NR6A1: variants seen among roughly 807,000 people sequenced by gnomAD.
NR6A1 encodes nuclear receptor subfamily 6 group A member 1, also known as retinoic acid receptor-related testis-associated receptor.
NR6A1 carries 7 observed loss-of-function variants against 59.1 expected under a neutral mutation model. That is an observed-to-expected ratio of 0.12 (90% CI 0.07 to 0.22). The LOEUF (loss-of-function observed/expected upper bound fraction) is 0.22, where lower values mean the gene tolerates loss of function less well. Among genes scored for constraint, NR6A1 ranks in the 10% least tolerant of loss-of-function variants. The probability of loss-of-function intolerance (pLI) is 1.00; values close to 1 mark genes in which losing one functional copy is unlikely to be tolerated. For synonymous variants in NR6A1, 243 were observed against 236.1 expected, an observed-to-expected ratio of 1.03 and a Z score of -0.27; for missense variants, 468 against 611.6, an observed-to-expected ratio of 0.77 and a Z score of 2.48.
chr9:124,716,149 G>A (rs913545916), intron 2 of NR6A1, among the ~76,000 whole-genome samples: 1 of 152,156 alleles, frequency 6.6e-6, no homozygotes, highest in Admixed American at 6.5e-5. Flanking sequence ...AGGCTGCAGT[G>A]GGCCATGGTC....
In NR6A1 at chr9:124,676,965, T is replaced by G. The variant is rs144355496; in HGVS notation, c.142+56343A>C. 4.6e-3 allele frequency among the ~76,000 whole-genome samples: 695 copies of G among 152,300 alleles called. 5 individuals are homozygous for G. The highest frequency in any genetic ancestry group is 0.016 in the African/African-American group (649 of 41,560). ...TTCAAGACTGAAAAGAATTTACACATAAGCTAGTTTCAAGATCAAAACTGC... is the reference window on the plus strand; with the variant it reads ...TTCAAGACTGAAAAGAATTTACACAGAAGCTAGTTTCAAGATCAAAACTGC... On this transcript the variant is annotated intron_variant, in intron 2 of 9. Transcript: ENST00000487099.
chr9:124,742,935 C>A (rs907200390), intron 1 of NR6A1, among the ~76,000 whole-genome samples: 2 of 152,192 alleles, frequency 1.3e-5, no homozygotes, highest in African/African-American at 4.8e-5. Flanking sequence ...AGCCAAAACA[C>A]ACATGGCTAG....
intron 2 of NR6A1, among the ~76,000 whole-genome samples, chr9:124,697,549 A>G (rs1356934617): frequency 1.3e-5 from 2 of 152,156 alleles, no homozygotes; most frequent in Admixed American, 6.5e-5. Context: ...CATTCCAAGC[A>G]TAGAGAATGG....
At chr9:124,655,152 G>C (rs549739497) in intron 2 of NR6A1, among the ~76,000 whole-genome samples, 2 of 152,264 alleles carry the variant, frequency 1.3e-5, no homozygotes, top group South Asian at 4.1e-4. Flanking sequence ...GAAGGGTATA[G>C]TTCCTAATGC....
chr9:124,585,936 T>G (rs1282568946), intron 2 of NR6A1, among the ~76,000 whole-genome samples: 1 of 152,176 alleles, frequency 6.6e-6, no homozygotes, highest in Non-Finnish European at 1.5e-5. Context: ...TTACTAAATA[T>G]TTTGAGCTCA....
At chr9:124,645,365 G>A (rs1836900789) in intron 2 of NR6A1, among the ~76,000 whole-genome samples, 1 of 152,150 alleles carries the variant, frequency 6.6e-6, no homozygotes, top group African/African-American at 2.4e-5. Context: ...AGTGAATCAG[G>A]AAACAAGACC....
chr9:124,708,022 G>A (rs1437797365), intron 2 of NR6A1, among the ~76,000 whole-genome samples: 3 of 152,160 alleles, frequency 2.0e-5, no homozygotes, highest in Non-Finnish European at 4.4e-5. Flanking sequence ...ACAGGTGTCT[G>A]ATGTGCATAA....
chr9:124,586,208 T>C (rs1834928249), intron 2 of NR6A1, among the ~76,000 whole-genome samples: 1 of 152,168 alleles, frequency 6.6e-6, no homozygotes, highest in African/African-American at 2.4e-5. Flanking sequence ...GAAAAGTAAT[T>C]TGAAAACCTT....
At chr9:124,682,559 T>A (rs975532431) in intron 2 of NR6A1, among the ~76,000 whole-genome samples, 2 of 152,292 alleles carry the variant, frequency 1.3e-5, no homozygotes, top group African/African-American at 4.8e-5. Flanking sequence ...CACCAATTTT[T>A]AAAAAAATAG....
intron 7 of NR6A1, among the ~76,000 whole-genome samples, chr9:124,531,385 TGAGAA>T (rs1237955511): frequency 3.3e-5 from 5 of 152,176 alleles, no homozygotes; most frequent in South Asian, 2.1e-4. Flanking sequence ...ATTCAATATT[TGAGAA>T]GAGAAAAGGA....
At position 124,538,192 on chromosome 9, in the gene NR6A1, G is replaced by C; in HGVS notation, c.724C>G (p.Gln242Glu). The C allele has an allele frequency of 6.2e-7, 1 of 1,614,222 alleles. No individual in the cohort carries two copies. The highest frequency in any genetic ancestry group is 8.5e-7 in the Non-Finnish European group (1 of 1,180,048). Residue 242 changes from glutamine (Q) to glutamate (E), a missense_variant, in exon 6 of 10, where the codon CAA (glutamine) becomes GAA (glutamate). Transcript: ENST00000487099. The part of the protein sequence containing the change: ...YSGHSPLLPQ[Q>E]ARSLDPQSYS... ...GACTGGGGATCCAGGCTGCGAGCTT[G>C]TTGGGGCAGAAGTGGTGAGTGGCCA...
At chr9:124,699,393 C>A (rs1451991418) in intron 2 of NR6A1, among the ~76,000 whole-genome samples, 5 of 152,182 alleles carry the variant, frequency 3.3e-5, no homozygotes, top group African/African-American at 1.2e-4. Flanking sequence ...ACTCTAGGTC[C>A]ATCAGTAGCA....
intron 2 of NR6A1, among the ~76,000 whole-genome samples, chr9:124,565,419 TC>T (rs1312206747): frequency 1.3e-5 from 2 of 151,540 alleles, no homozygotes; most frequent in African/African-American, 4.9e-5. Context: ...AGAACGAGAC[TC>T]CGTCTCAAAA....
rs1369037622 is a variant in NR6A1 at position 124,543,861 on chromosome 9, G to C, written c.386-4C>G. On this transcript the variant is annotated splice_region_variant and splice_polypyrimidine_tract_variant and intron_variant, in intron 3 of 9. Transcript: ENST00000487099. The stretch of plus-strand genomic sequence containing the variant: ...GGCATGCCATCTTCTCTGATAGCTG[G>C]AAGGAAAGATAAGTCAAGAAAGGCA... 16 of 1,613,280 alleles carry C rather than the reference G, an allele frequency of 9.9e-6. No homozygotes were observed. Among genetic ancestry groups the C allele is most frequent in the Non-Finnish European group, 1.1e-5 (13 of 1,179,738 alleles).
At chr9:124,751,733 T>A (rs1017055215) in intron 1 of NR6A1, among the ~76,000 whole-genome samples, 1 of 152,210 alleles carries the variant, frequency 6.6e-6, no homozygotes, top group African/African-American at 2.4e-5. Flanking sequence ...TTCAGAGATA[T>A]GGCTAGCATA....
At chr9:124,586,150 T>TC (rs1834925321) in intron 2 of NR6A1, among the ~76,000 whole-genome samples, 1 of 152,228 alleles carries the variant, frequency 6.6e-6, no homozygotes, top group Non-Finnish European at 1.5e-5. Flanking sequence ...GAAATACATA[T>TC]CATAAGGCTA....
chr9:124,718,229 G>C (rs1839456205), intron 2 of NR6A1, among the ~76,000 whole-genome samples: 1 of 152,202 alleles, frequency 6.6e-6, no homozygotes, highest in South Asian at 2.1e-4. Context: ...AGGTATCCCT[G>C]CAACTGTCAG....
At chr9:124,718,248 A>G (rs1205363862) in intron 2 of NR6A1, among the ~76,000 whole-genome samples, 1 of 152,200 alleles carries the variant, frequency 6.6e-6, no homozygotes, top group East Asian at 1.9e-4. Context: ...AGGATAGCCC[A>G]ATTTATATAA....
chr9:124,535,790 T>C (rs770277075), intron 7 of NR6A1, 88 bp downstream of exon 7: 19 of 1,516,746 alleles, frequency 1.3e-5, no homozygotes, highest in Non-Finnish European at 1.7e-5. Context: ...GTGTAGTGCC[T>C]ATCCTCTGAA....
Sources: gnomAD v4.1 joint callset for allele counts (sites outside exome capture counted in the v4.1 genomes callset) on GRCh38, gnomAD v4.1.1 for gene constraint, MANE v1.5 for transcripts, NCBI Gene and HGNC (gene_info 2026-07-23, HGNC 2026-07-21) for gene names.